Variants in TNRC6A observed in about 807,000 individuals in gnomAD.
TNRC6A encodes the protein trinucleotide repeat-containing gene 6A protein.
In TNRC6A, 44 loss-of-function variants were observed where a neutral mutation model predicts 221.2. That is an observed-to-expected ratio of 0.20 (90% CI 0.16 to 0.26). The LOEUF is 0.26. Among genes scored for constraint, TNRC6A ranks in the 10% least tolerant of loss-of-function variants. TNRC6A has a pLI of 1.00. For missense variants in TNRC6A, 2,199 were observed against 2,404.4 expected, an observed-to-expected ratio of 0.91 and a Z score of 1.79; for synonymous variants, 847 against 838.5, an observed-to-expected ratio of 1.01 and a Z score of -0.18.
At chr16:24,794,815 A>G (rs141790735) in intron 8 of TNRC6A, 96 bp downstream of exon 8, 2 of 1,244,080 alleles carry the variant, frequency 1.6e-6, no homozygotes, top group East Asian at 2.6e-5. Context: ...TCTGGCGGTC[A>G]GTACAGTCCA....
chr16:24,760,127 T>C (rs1478380261), intron 4 of TNRC6A, among the ~76,000 whole-genome samples: 1 of 151,880 alleles, frequency 6.6e-6, no homozygotes, highest in African/African-American at 2.4e-5. Flanking sequence ...AGCTCTTTCA[T>C]GTTCATTCTT....
At chr16:24,730,087 G>A (rs1719893544) in intron 1 of TNRC6A, among the ~76,000 whole-genome samples, 166 bp from the exon 2 acceptor site, 1 of 150,202 alleles carries the variant, frequency 6.7e-6, no homozygotes, top group Non-Finnish European at 1.5e-5. Context: ...CGGGACCGCA[G>A]TCCGGGCTGC....
chr16:24,808,208 T>C (rs1221361478), intron 17 of TNRC6A, among the ~76,000 whole-genome samples: 1 of 152,252 alleles, frequency 6.6e-6, no homozygotes, highest in Non-Finnish European at 1.5e-5. Flanking sequence ...TCTTCCTATT[T>C]GACTGCACAC....
intron 2 of TNRC6A, among the ~76,000 whole-genome samples, chr16:24,732,861 T>A (rs1223538985): frequency 6.6e-6 from 1 of 152,196 alleles, no homozygotes; most frequent in East Asian, 1.9e-4. Context: ...GAACCACTGC[T>A]CTAGATCTTC....
chr16:24,752,794 AGT>A (rs998612804), intron 3 of TNRC6A, among the ~76,000 whole-genome samples: 1 of 152,152 alleles, frequency 6.6e-6, no homozygotes, highest in African/African-American at 2.4e-5. Flanking sequence ...CAAGCATCTG[AGT>A]GTTGAATTAG....
intron 2 of TNRC6A, among the ~76,000 whole-genome samples, chr16:24,719,840 C>CAAAAAA (rs59027857): frequency 9.7e-6 from 1 of 103,012 alleles, no homozygotes. Context: ...GACCTTGTCT[C>CAAAAAA]AAAAAAAAAA....
At chr16:24,733,356 C>T (rs1207138048) in intron 2 of TNRC6A, among the ~76,000 whole-genome samples, 1 of 152,218 alleles carries the variant, frequency 6.6e-6, no homozygotes, top group Non-Finnish European at 1.5e-5. Flanking sequence ...GACAGTGTGC[C>T]TGGTAGCCAG....
At chr16:24,664,813 A>AC (rs1555486917) in intron 2 of TNRC6A, 2 of 446,894 alleles carry the variant, frequency 4.5e-6, no homozygotes, top group African/African-American at 4.2e-5. Context: ...ACACACACAC[A>AC]AAACCTATAA....
intron 2 of TNRC6A, among the ~76,000 whole-genome samples, chr16:24,652,487 C>A (rs1902728419): frequency 6.6e-6 from 1 of 152,168 alleles, no homozygotes; most frequent in African/African-American, 2.4e-5. Flanking sequence ...GGTTACCCAT[C>A]CCAAGCTGCT....
intron 3 of TNRC6A, 31 bp downstream of exon 3, chr16:24,750,844 C>A: frequency 7.0e-7 from 1 of 1,434,720 alleles, no homozygotes; most frequent in African/African-American, 1.5e-5. Flanking sequence ...TTATATTAAG[C>A]AGTTTAAACA....
chr16:24,781,947 C>T (rs967993221), intron 5 of TNRC6A, among the ~76,000 whole-genome samples: 5 of 152,152 alleles, frequency 3.3e-5, no homozygotes, highest in South Asian at 2.1e-4. Context: ...CTCAGCCTCC[C>T]GAGTAGCTGG....
chr16:24,726,835 T>C (rs2056501076), upstream of TNRC6A, among the ~76,000 whole-genome samples: 3 of 152,190 alleles, frequency 2.0e-5, no homozygotes, highest in South Asian at 4.1e-4. Flanking sequence ...AAAGATCCCT[T>C]AGAGGGTCCC....
intron 2 of TNRC6A, among the ~76,000 whole-genome samples, chr16:24,702,783 C>T (rs1002741001): frequency 6.6e-6 from 1 of 152,016 alleles, no homozygotes; most frequent in Admixed American, 6.6e-5. Context: ...CGCCTGTAAT[C>T]CCAGCACTTT....
At position 24,823,357 on chromosome 16, in the gene TNRC6A, G is replaced by A; in HGVS notation, c.5514-75G>A. On this transcript the variant is annotated intron_variant, in intron 24 of 24. Transcript: ENST00000395799. The surrounding 1 kb of genome is among the most constrained non-coding windows in gnomAD (Gnocchi z 4.3). ...GTGGCTTTTCTAGCAGAGACAAGTT[G>A]CACCCTCACTTGTGAGTGAATGAAG... 1 of 1,509,200 alleles carries A rather than the reference G, an allele frequency of 6.6e-7. No homozygotes were observed. Among genetic ancestry groups the A allele is most frequent in the Non-Finnish European group, 8.9e-7 (1 of 1,122,162 alleles). The allele number at this position is 1,509,200 out of a possible 1,614,324, so 93.5% of individuals were successfully genotyped here. A position where few individuals can be genotyped will look rare whatever the true frequency, so the allele number is the denominator to read the frequency against.
In TNRC6A at chr16:24,734,698, C is replaced by T. The variant is rs2056723658; in HGVS notation, c.53+4398C>T. Among the ~76,000 whole-genome samples the T allele has an allele frequency of 2.0e-5, 3 of 152,118 alleles. No individual in the cohort carries two copies. In the South Asian group the frequency reaches 6.2e-4, roughly 32 times the overall value. On this transcript the variant is annotated intron_variant, in intron 2 of 24. Transcript: ENST00000395799. ...ATGTGCAGTATTTTATTTTATATTG[C>T]ACAATAGATAAAATATAATTTTGGT...
intron 17 of TNRC6A, among the ~76,000 whole-genome samples, chr16:24,807,156 C>T (rs1053464191): frequency 9.2e-5 from 14 of 152,042 alleles, no homozygotes; most frequent in Non-Finnish European, 7.4e-5. Context: ...CAGGCGCGCA[C>T]CACCACGCCC....
At chr16:24,638,492 C>A (rs1373068864) in intron 1 of TNRC6A, among the ~76,000 whole-genome samples, 1 of 151,986 alleles carries the variant, frequency 6.6e-6, no homozygotes, top group South Asian at 2.1e-4. Context: ...GCAGGCGGAT[C>A]GCTTGAGGCC....
rs374949979 is a variant in TNRC6A, at chr16:24,790,648, C to T, written c.2006C>T (p.Thr669Ile). 6 of 1,614,024 alleles carry T rather than the reference C, an allele frequency of 3.7e-6. No homozygotes were observed. Among genetic ancestry groups the T allele is most frequent in the Non-Finnish European group, 4.2e-6 (5 of 1,180,038 alleles). ...QSSVWAKTGG[T>I]VESDGSTEST... Reference sequence around the variant, plus strand: ...AGTGTGTGGGCCAAAACAGGAGGTACAGTGGAGAGCGATGGTAGTACAGAA... The same window carrying T: ...AGTGTGTGGGCCAAAACAGGAGGTATAGTGGAGAGCGATGGTAGTACAGAA... Residue 669 changes from threonine (T) to isoleucine (I), a missense_variant, in exon 6 of 25, where the codon ACA (threonine) becomes ATA (isoleucine). Thr to Ile is a moderately conservative substitution (Grantham distance 89). Transcript: ENST00000395799.
intron 2 of TNRC6A, among the ~76,000 whole-genome samples, chr16:24,739,478 CTT>C (rs71383710): frequency 4.2e-5 from 5 of 118,286 alleles, no homozygotes; most frequent in Admixed American, 9.6e-5. Flanking sequence ...TTTCCTTTCA[CTT>C]TTTTTTTTTT....
Sources: allele counts gnomAD v4.1 joint callset (sites outside exome capture counted in the v4.1 genomes callset), GRCh38; gene constraint gnomAD v4.1.1; non-coding constraint Gnocchi (gnomAD v3.1); transcripts MANE v1.5; gene names NCBI Gene and HGNC (gene_info 2026-07-23, HGNC 2026-07-21).